Variants in MANBAL observed in about 807,000 individuals in gnomAD.
MANBAL encodes the protein protein MANBAL.
A neutral mutation model predicts 6.4 loss-of-function variants in MANBAL; 1 was observed. The ratio of observed to expected loss-of-function variants is 0.16; its 90% CI spans 0.06 to 0.74. The LOEUF (loss-of-function observed/expected upper bound fraction) is 0.74. Ranked by LOEUF, MANBAL falls within the 30% of genes least tolerant of loss-of-function variation. MANBAL has a pLI of 0.78. For missense variants in MANBAL, 100 were observed against 107.8 expected, an observed-to-expected ratio of 0.93 and a Z score of 0.32; for synonymous variants, 47 against 45.8, an observed-to-expected ratio of 1.03 and a Z score of -0.10.
intron 2 of MANBAL, among the ~76,000 whole-genome samples, chr20:37,314,670 G>A (rs1306764169): frequency 2.0e-5 from 3 of 152,248 alleles, no homozygotes; most frequent in Non-Finnish European, 4.4e-5. Context: ...GAGAGGCCTG[G>A]CTGGGGAGGG....
At chr20:37,296,776 A>T (rs776110856) in intron 1 of MANBAL, 1 of 152,022 alleles carries the variant, frequency 6.6e-6, no homozygotes, top group Non-Finnish European at 1.5e-5. Flanking sequence ...GCCATTTTTT[A>T]AAAAAAGGCC....
intron 1 of MANBAL, among the ~76,000 whole-genome samples, chr20:37,291,395 C>T (rs1294920717): frequency 6.6e-6 from 1 of 152,120 alleles, no homozygotes; most frequent in East Asian, 1.9e-4. Flanking sequence ...CTGGTATTAT[C>T]CAGGGCACCC....
At chr20:37,302,158 T>C in intron 2 of MANBAL, 5 of 1,397,976 alleles carry the variant, frequency 3.6e-6, no homozygotes, top group Non-Finnish European at 4.9e-6. Flanking sequence ...GCTCGTGACA[T>C]TGATTTATTG....
chr20:37,304,101 A>G (rs1003270847), intron 2 of MANBAL, among the ~76,000 whole-genome samples: 5 of 152,206 alleles, frequency 3.3e-5, no homozygotes, highest in African/African-American at 9.7e-5. Context: ...TTTTACTACT[A>G]AGACTCAGAA....
At chr20:37,309,478 A>G (rs1005642395) in intron 2 of MANBAL, among the ~76,000 whole-genome samples, 2 of 152,166 alleles carry the variant, frequency 1.3e-5, no homozygotes, top group South Asian at 4.1e-4. Flanking sequence ...TCCCCATGGA[A>G]AAGAGGTGCT....
At position 37,316,741 on chromosome 20, in the gene MANBAL, GC is replaced by G. The variant is rs1182522578; in HGVS notation, c.*331del. 1.3e-5 allele frequency: 3 copies of G among 227,270 alleles called. No individual in the cohort carries two copies. The highest frequency in any genetic ancestry group is 2.6e-5 in the Non-Finnish European group (3 of 114,880). The allele number at this position is 227,270 out of a possible 1,614,324, so 14.1% of individuals were successfully genotyped here. ...TTAGTCATGTGTCCCTCCTTGAGTT[GC>G]CCCCTCCTTGTGGGTTTACACTACA... On this transcript the variant is annotated 3_prime_UTR_variant, in exon 3 of 3. Transcript: ENST00000373606.
intron 2 of MANBAL, among the ~76,000 whole-genome samples, chr20:37,312,752 C>A (rs2069416449): frequency 6.6e-6 from 1 of 152,174 alleles, no homozygotes; most frequent in Non-Finnish European, 1.5e-5. Flanking sequence ...CTTTAGTGAT[C>A]CTCCTGTCTC....
At chr20:37,297,131 T>C (rs918498032) in intron 1 of MANBAL, 2 of 152,118 alleles carry the variant, frequency 1.3e-5, no homozygotes, top group African/African-American at 4.8e-5. Context: ...GGTATTCACA[T>C]GGTGGTGGTG....
intron 2 of MANBAL, 35 bp downstream of exon 2, chr20:37,301,448 G>GTTC (rs766265872): frequency 6.2e-7 from 1 of 1,605,992 alleles, no homozygotes; most frequent in Non-Finnish European, 8.5e-7. Flanking sequence ...GCTCCTCTGA[G>GTTC]TGCCAGGCTG....
At chr20:37,304,111 A>G (rs1034719677) in intron 2 of MANBAL, among the ~76,000 whole-genome samples, 1 of 152,234 alleles carries the variant, frequency 6.6e-6, no homozygotes, top group African/African-American at 2.4e-5. Flanking sequence ...AAGACTCAGA[A>G]TGAAATTTAA....
intron 1 of MANBAL, 31 bp downstream of exon 1, chr20:37,289,717 A>T (rs1388888251): frequency 6.6e-6 from 1 of 152,242 alleles, no homozygotes; most frequent in Non-Finnish European, 1.5e-5. Context: ...GTGGGGTGGG[A>T]ACCGAGAGAG....
At chr20:37,291,001 C>T (rs932097151) in intron 1 of MANBAL, among the ~76,000 whole-genome samples, 1 of 152,176 alleles carries the variant, frequency 6.6e-6, no homozygotes, top group Non-Finnish European at 1.5e-5. Context: ...CATTAGAAGC[C>T]AAGAATGGCC....
At chr20:37,296,803 A>G (rs764771698) in intron 1 of MANBAL, 5 of 152,282 alleles carry the variant, frequency 3.3e-5, no homozygotes, top group Middle Eastern at 3.4e-3. Context: ...TATTATAGGT[A>G]TCATTGTTGC....
At chr20:37,308,149 C>T (rs1414228365) in intron 2 of MANBAL, among the ~76,000 whole-genome samples, 1 of 152,188 alleles carries the variant, frequency 6.6e-6, no homozygotes, top group East Asian at 1.9e-4. Context: ...TCAGTTCCAG[C>T]ATCCCCAGGG....
chr20:37,298,032 C>G (rs1651950931), intron 1 of MANBAL, among the ~76,000 whole-genome samples: 1 of 152,028 alleles, frequency 6.6e-6, no homozygotes, highest in Non-Finnish European at 1.5e-5. Context: ...TTCCAGTAGC[C>G]ACATTTAAAA....
At chr20:37,309,769 C>T (rs2069339926) in intron 2 of MANBAL, among the ~76,000 whole-genome samples, 1 of 152,136 alleles carries the variant, frequency 6.6e-6, no homozygotes. Context: ...TGATTTTAAA[C>T]GAGGCCGCTA....
chr20:37,314,511 G>A (rs2069460418), intron 2 of MANBAL, among the ~76,000 whole-genome samples: 1 of 152,226 alleles, frequency 6.6e-6, no homozygotes, highest in Admixed American at 6.5e-5. Flanking sequence ...TCAGAAGGCA[G>A]ACTCCTTCCT....
intron 1 of MANBAL, among the ~76,000 whole-genome samples, chr20:37,290,487 G>GTC (rs770942209): frequency 6.6e-6 from 1 of 151,138 alleles, no homozygotes; most frequent in South Asian, 2.1e-4. Flanking sequence ...TAGAGACGGA[G>GTC]TCTCTCTCTC....
intron 2 of MANBAL, among the ~76,000 whole-genome samples, chr20:37,311,937 G>A (rs2069398298): frequency 6.6e-6 from 1 of 152,242 alleles, no homozygotes; most frequent in Non-Finnish European, 1.5e-5. Context: ...TCTGGGCAGT[G>A]GAGTGTGTCC....
Sources: gnomAD v4.1 joint callset for allele counts (sites outside exome capture counted in the v4.1 genomes callset) on GRCh38, gnomAD v4.1.1 for gene constraint, MANE v1.5 for transcripts, NCBI Gene and HGNC (gene_info 2026-07-23, HGNC 2026-07-21) for gene names.